SPIDR: variants seen among roughly 807,000 people sequenced by gnomAD.
SPIDR encodes DNA repair-scaffolding protein.
Under a neutral mutation model 104.6 loss-of-function variants are expected in SPIDR, and 93 were observed. The observed-to-expected ratio is 0.89, with a 90% CI of 0.75 to 1.06. The LOEUF (loss-of-function observed/expected upper bound fraction) is 1.06. Ranked by LOEUF, SPIDR falls within the 50% of genes least tolerant of loss-of-function variation. The probability of loss-of-function intolerance (pLI) is 0.00; values close to 1 mark genes in which losing one functional copy is unlikely to be tolerated. For missense variants in SPIDR, 1,154 were observed against 1,111.2 expected, an observed-to-expected ratio of 1.04 and a Z score of -0.55; for synonymous variants, 431 against 416.9, an observed-to-expected ratio of 1.03 and a Z score of -0.41.
intron 8 of SPIDR, among the ~76,000 whole-genome samples, chr8:47,477,091 G>A (rs1042732609): frequency 1.3e-5 from 2 of 152,178 alleles, no homozygotes; most frequent in African/African-American, 2.4e-5. Context: ...AAGCATCTCT[G>A]AGCATAGTTT....
intron 5 of SPIDR, among the ~76,000 whole-genome samples, chr8:47,331,164 T>G (rs2154268009): frequency 6.6e-6 from 1 of 152,370 alleles, no homozygotes; most frequent in Non-Finnish European, 1.5e-5. Flanking sequence ...TTTGGAGAGA[T>G]ATCTGTTAAG....
intron 10 of SPIDR, among the ~76,000 whole-genome samples, chr8:47,610,707 A>G (rs945853208): frequency 3.9e-5 from 6 of 152,204 alleles, no homozygotes; most frequent in South Asian, 2.1e-4. Flanking sequence ...CTGTAGAGCA[A>G]TTCTTGGGTT....
chr8:47,265,172 T>C (rs1296497084), intron 1 of SPIDR, among the ~76,000 whole-genome samples: 1 of 151,190 alleles, frequency 6.6e-6, no homozygotes, highest in Non-Finnish European at 1.5e-5. Context: ...CTACTTAGTA[T>C]TGACATCTCA....
rs115148118 is a variant in SPIDR, at chr8:47,390,756, A to G, written c.526-5620A>G. On this transcript the variant is annotated intron_variant, in intron 5 of 19. Coordinates refer to ENST00000297423, the MANE Select transcript of SPIDR (RefSeq NM_001080394.4). The stretch of plus-strand genomic sequence containing the variant: ...AAAATATTTCTCAAAGAATTTTTCC[A>G]TTTTTGGATGATTAAGCTGGGAATG... 3.8e-3 allele frequency among the ~76,000 whole-genome samples: 579 copies of G among 152,102 alleles called. 8 individuals carry two copies. Among genetic ancestry groups the G allele is most frequent in the African/African-American group, 0.013 (552 of 41,432 alleles).
intron 5 of SPIDR, among the ~76,000 whole-genome samples, chr8:47,370,833 A>G (rs1554638336): frequency 2.0e-5 from 3 of 152,126 alleles, no homozygotes; most frequent in Admixed American, 6.5e-5. Flanking sequence ...AAAAAATTTT[A>G]AGTTAAAAAA....
intron 5 of SPIDR, among the ~76,000 whole-genome samples, chr8:47,336,987 CTTTTT>C: frequency 6.6e-6 from 1 of 152,060 alleles, no homozygotes. Flanking sequence ...GGAATGGTAT[CTTTTT>C]TGTTTTGATT....
intron 14 of SPIDR, among the ~76,000 whole-genome samples, chr8:47,712,291 C>A (rs376585445): frequency 7.2e-4 from 110 of 152,148 alleles, no homozygotes; most frequent in Non-Finnish European, 1.2e-3. Flanking sequence ...AGGAAACTTA[C>A]AACTGGCTGG....
intron 3 of SPIDR, among the ~76,000 whole-genome samples, chr8:47,284,942 C>T (rs1554562008): frequency 8.6e-4 from 131 of 152,214 alleles, no homozygotes; most frequent in Non-Finnish European, 1.6e-3. Context: ...CAGTCAGCCC[C>T]GCTGTGGGTG....
chr8:47,433,325 C>T (rs2067686532), intron 7 of SPIDR, among the ~76,000 whole-genome samples: 1 of 152,196 alleles, frequency 6.6e-6, no homozygotes, highest in East Asian at 1.9e-4. Context: ...AGTCTGTTCT[C>T]AACACGGCTC....
intron 10 of SPIDR, among the ~76,000 whole-genome samples, chr8:47,619,225 A>G (rs1279624743): frequency 6.6e-6 from 1 of 152,146 alleles, no homozygotes; most frequent in Non-Finnish European, 1.5e-5. Context: ...TACACAATGA[A>G]TCTCTGCATA....
At chr8:47,668,918 A>T (rs1284065313) in intron 10 of SPIDR, among the ~76,000 whole-genome samples, 2 of 152,216 alleles carry the variant, frequency 1.3e-5, no homozygotes, top group African/African-American at 4.8e-5. Context: ...AGAAACTTAC[A>T]AAATTTTATT....
At chr8:47,280,225 T>A (rs2037448574) in intron 2 of SPIDR, among the ~76,000 whole-genome samples, 2 of 139,866 alleles carry the variant, frequency 1.4e-5, no homozygotes, top group East Asian at 2.0e-4. Flanking sequence ...TTATTTTTTA[T>A]TTTTTTTTTA....
intron 8 of SPIDR, among the ~76,000 whole-genome samples, chr8:47,497,351 CTCT>C (rs1301593441): frequency 6.6e-6 from 1 of 151,980 alleles, no homozygotes; most frequent in African/African-American, 2.4e-5. Flanking sequence ...AATATAAATA[CTCT>C]TCTAAGCACT....
intron 10 of SPIDR, among the ~76,000 whole-genome samples, chr8:47,639,027 T>G (rs929608112): frequency 1.3e-5 from 2 of 152,256 alleles, no homozygotes; most frequent in African/African-American, 2.4e-5. Flanking sequence ...AAATACTTCT[T>G]AAAATATTGT....
intron 16 of SPIDR, among the ~76,000 whole-genome samples, chr8:47,722,210 CTT>C (rs1461871522): frequency 6.6e-6 from 1 of 152,128 alleles, no homozygotes; most frequent in East Asian, 1.9e-4. Context: ...AAACAATTAA[CTT>C]TTTGATATTA....
At chr8:47,487,373 C>A (rs1026635664) in intron 8 of SPIDR, among the ~76,000 whole-genome samples, 1 of 152,100 alleles carries the variant, frequency 6.6e-6, no homozygotes, top group African/African-American at 2.4e-5. Flanking sequence ...TAGAGACCTA[C>A]AAAGAGACTT....
At chr8:47,628,949 T>G (rs2066625448) in intron 10 of SPIDR, among the ~76,000 whole-genome samples, 1 of 152,196 alleles carries the variant, frequency 6.6e-6, no homozygotes, top group Non-Finnish European at 1.5e-5. Flanking sequence ...TATCCTCCAT[T>G]TAAACTTAAT....
intron 6 of SPIDR, among the ~76,000 whole-genome samples, chr8:47,398,869 G>A (rs2061533955): frequency 6.6e-6 from 1 of 152,180 alleles, no homozygotes; most frequent in South Asian, 2.1e-4. Context: ...GGAGCATGGT[G>A]TGCTGAGGCA....
intron 10 of SPIDR, among the ~76,000 whole-genome samples, chr8:47,631,916 A>T (rs960277902): frequency 6.6e-6 from 1 of 152,166 alleles, no homozygotes; most frequent in Non-Finnish European, 1.5e-5. Context: ...GAGCATTTAT[A>T]ATAATATTTT....
Sources: allele counts gnomAD v4.1 joint callset (sites outside exome capture counted in the v4.1 genomes callset), GRCh38; gene constraint gnomAD v4.1.1; transcripts MANE v1.5; gene names NCBI Gene and HGNC (gene_info 2026-07-23, HGNC 2026-07-21).